ANKRD55: variants seen among roughly 807,000 people sequenced by gnomAD.
ANKRD55 encodes ankyrin repeat domain 55.
In ANKRD55, 41 loss-of-function variants were observed where a neutral mutation model predicts 60.6. The ratio of observed to expected loss-of-function variants is 0.68; its 90% CI spans 0.53 to 0.88. The LOEUF (loss-of-function observed/expected upper bound fraction) is 0.88, where lower values mean the gene tolerates loss of function less well. Among genes scored for constraint, ANKRD55 ranks in the 40% least tolerant of loss-of-function variants. The pLI is 0.00. For missense variants in ANKRD55, 732 were observed against 767.6 expected, an observed-to-expected ratio of 0.95 and a Z score of 0.55; for synonymous variants, 264 against 290.3, an observed-to-expected ratio of 0.91 and a Z score of 0.92.
chr5:56,208,829 G>A (rs978794139), intron 2 of ANKRD55, among the ~76,000 whole-genome samples: 1 of 152,144 alleles, frequency 6.6e-6, no homozygotes, highest in Non-Finnish European at 1.5e-5. Flanking sequence ...TGATGGCTAC[G>A]ATATCAATAG....
Position 56,100,270 on chromosome 5 carries a change from C to T in ANKRD55, c.1758G>A (p.Val586=). 1.2e-6 allele frequency: 2 copies of T among 1,614,168 alleles called. No homozygotes were observed. The highest frequency in any genetic ancestry group is 8.5e-7 in the Non-Finnish European group (1 of 1,180,018). Reference sequence around the variant, plus strand: ...TTCGTTGACTTGGAATTGCAGGAAGCACTCGGTTTGTCCGCAGAGGTTCTC... The same window carrying T: ...TTCGTTGACTTGGAATTGCAGGAAGTACTCGGTTTGTCCGCAGAGGTTCTC... The part of the protein sequence containing the change: ...LSGEPLRTNR[V]LPAIPSQRRH... Residue 586 remains valine, a synonymous_variant, in exon 12 of 12, where the codon GTG becomes GTA. Coordinates refer to ENST00000341048, the MANE Select transcript of ANKRD55 (RefSeq NM_024669.3).
chr5:56,167,242 T>G (rs1414736894), intron 5 of ANKRD55, among the ~76,000 whole-genome samples: 1 of 152,246 alleles, frequency 6.6e-6, no homozygotes, highest in Non-Finnish European at 1.5e-5. Flanking sequence ...TAGAGCGTAC[T>G]ACACACCTAT....
intron 2 of ANKRD55, among the ~76,000 whole-genome samples, chr5:56,228,173 G>A (rs756540407): frequency 3.9e-5 from 6 of 152,180 alleles, no homozygotes; most frequent in Admixed American, 6.5e-5. Context: ...ATATCTGAAA[G>A]GATGTGACTA....
intron 7 of ANKRD55, among the ~76,000 whole-genome samples, chr5:56,127,976 C>T (rs1240716686): frequency 1.3e-5 from 2 of 152,140 alleles, no homozygotes; most frequent in African/African-American, 2.4e-5. Context: ...CTAAAGCTTA[C>T]TTAGGTGACT....
At chr5:56,201,280 A>G (rs1018345186) in intron 2 of ANKRD55, among the ~76,000 whole-genome samples, 31 of 152,220 alleles carry the variant, frequency 2.0e-4, no homozygotes, top group African/African-American at 7.5e-4. Flanking sequence ...ACACTGCACC[A>G]CGATGGCTTC....
rs879591183 is a variant in ANKRD55, at chr5:56,184,893, T to TA, written c.59-1260dup. ...TGGACAACAGAGTGAGACCTTGTCT[T>TA]AAAAAAAAAAAAAGAAAGGCGACAA... On this transcript the variant is annotated intron_variant, in intron 2 of 11. Coordinates refer to ENST00000341048, the MANE Select transcript of ANKRD55 (RefSeq NM_024669.3). Among the ~76,000 whole-genome samples the TA allele has an allele frequency of 3.1e-3, 428 of 139,598 alleles. 2 individuals are homozygous for TA. Among genetic ancestry groups the TA allele is most frequent in the Middle Eastern group, 0.015 (4 of 270 alleles). 91.6% of individuals were successfully genotyped at this position (139,598 alleles called of 152,430 possible).
At chr5:56,220,465 G>A (rs1759931031) in intron 2 of ANKRD55, among the ~76,000 whole-genome samples, 1 of 151,988 alleles carries the variant, frequency 6.6e-6, no homozygotes, top group African/African-American at 2.4e-5. Flanking sequence ...AAAGAAGGGG[G>A]CAGAGAAAGG....
intron 6 of ANKRD55, among the ~76,000 whole-genome samples, chr5:56,158,193 A>AAT (rs1554040298): frequency 6.6e-6 from 1 of 151,650 alleles, no homozygotes; most frequent in Non-Finnish European, 1.5e-5. Flanking sequence ...TAAAAAAAAA[A>AAT]GGCAGATGCG....
chr5:56,179,969 T>C (rs1029233087), intron 3 of ANKRD55, among the ~76,000 whole-genome samples: 1 of 152,226 alleles, frequency 6.6e-6, no homozygotes, highest in Admixed American at 6.5e-5. Flanking sequence ...TGTAAATGAA[T>C]ACACGAGACT....
chr5:56,151,670 G>A (rs1057422672), intron 6 of ANKRD55, among the ~76,000 whole-genome samples: 19 of 151,852 alleles, frequency 1.3e-4, no homozygotes, highest in African/African-American at 4.6e-4. Flanking sequence ...AAAATTAACC[G>A]GGCATGGTGG....
chr5:56,189,391 C>T (rs373402430), intron 2 of ANKRD55, among the ~76,000 whole-genome samples: 122 of 151,762 alleles, frequency 8.0e-4, no homozygotes, highest in African/African-American at 2.9e-3. Flanking sequence ...AGTTCAATTG[C>T]ATTATGTCCA....
intron 7 of ANKRD55, among the ~76,000 whole-genome samples, chr5:56,136,463 T>A (rs1488895857): frequency 6.6e-6 from 1 of 152,180 alleles, no homozygotes; most frequent in Non-Finnish European, 1.5e-5. Context: ...CATAATCAAC[T>A]GATATTTGAC....
chr5:56,172,100 C>G (rs915000539), intron 4 of ANKRD55, among the ~76,000 whole-genome samples: 2 of 137,276 alleles, frequency 1.5e-5, no homozygotes, highest in African/African-American at 5.6e-5. Flanking sequence ...ACCTGGGCGA[C>G]AGAACGAGAC....
chr5:56,193,036 T>C, intron 2 of ANKRD55: 1 of 984,036 alleles, frequency 1.0e-6, no homozygotes, highest in Non-Finnish European at 1.5e-6. Flanking sequence ...AAGATGCTGA[T>C]TGGTTTTTGA....
intron 8 of ANKRD55, among the ~76,000 whole-genome samples, chr5:56,122,158 T>C (rs894443718): frequency 3.9e-5 from 6 of 152,192 alleles, no homozygotes; most frequent in Non-Finnish European, 8.8e-5. Flanking sequence ...TAAGTGTAGA[T>C]TTATAGCTGC....
At chr5:56,126,532 C>T (rs1757261721) in intron 8 of ANKRD55, among the ~76,000 whole-genome samples, 1 of 151,850 alleles carries the variant, frequency 6.6e-6, no homozygotes, top group African/African-American at 2.4e-5. Context: ...TACAAAGTCT[C>T]TATTATGTTC....
chr5:56,159,764 G>T, intron 6 of ANKRD55, 69 bp downstream of exon 6: 5 of 1,493,062 alleles, frequency 3.3e-6, no homozygotes, highest in East Asian at 2.3e-5. Flanking sequence ...AAGCACAATG[G>T]TTCAGAAACG....
intron 9 of ANKRD55, among the ~76,000 whole-genome samples, chr5:56,112,504 CA>C (rs1187255213): frequency 1.6e-3 from 41 of 25,660 alleles, no homozygotes; most frequent in East Asian, 2.5e-3. Flanking sequence ...TCATCTCTAG[CA>C]AAAAAAAAAA....
chr5:56,192,794 C>T, intron 2 of ANKRD55: 5 of 921,878 alleles, frequency 5.4e-6, no homozygotes, highest in Non-Finnish European at 6.7e-6. Context: ...CGCTGAAAAC[C>T]TCTATTAGCA....
Sources: gnomAD v4.1 joint callset for allele counts (sites outside exome capture counted in the v4.1 genomes callset) on GRCh38, gnomAD v4.1.1 for gene constraint, MANE v1.5 for transcripts, NCBI Gene and HGNC (gene_info 2026-07-23, HGNC 2026-07-21) for gene names.